The following SBF2 variants were observed in gnomAD, a reference collection of about 807,000 sequenced individuals.
The protein encoded by SBF2 is myotubularin-related protein 13.
Under a neutral mutation model 225.2 loss-of-function variants are expected in SBF2, and 112 were observed. That is an observed-to-expected ratio of 0.50 (90% CI 0.43 to 0.58). The LOEUF is 0.58. Ranked by LOEUF, SBF2 falls within the 20% of genes least tolerant of loss-of-function variation. SBF2 has a pLI of 0.00. For synonymous variants in SBF2, 763 were observed against 773.3 expected, an observed-to-expected ratio of 0.99 and a Z score of 0.22; for missense variants, 1,996 against 2,206.2, an observed-to-expected ratio of 0.90 and a Z score of 1.91.
rs548529753 is a variant in SBF2 at position 9,897,758 on chromosome 11, A to T, written c.1861-1747T>A. The stretch of plus-strand genomic sequence containing the variant: ...TAAACTCATAGAGCTGGGACCTTAG[A>T]CATCAATTATTCCAGTGCAATTCCT... On this transcript the variant is annotated intron_variant, in intron 16 of 39. Transcript: ENST00000256190. Among the ~76,000 whole-genome samples the T allele has an allele frequency of 6.0e-4, 92 of 152,324 alleles. No individual in the cohort carries two copies. The South Asian group carries it at 0.012, about 20-fold the overall frequency.
intron 18 of SBF2, among the ~76,000 whole-genome samples, chr11:9,857,708 C>T (rs561916610): frequency 2.0e-5 from 3 of 152,208 alleles, no homozygotes; most frequent in Admixed American, 6.5e-5. Context: ...ACTACTCTTT[C>T]AAATTAAAAA....
intron 1 of SBF2, among the ~76,000 whole-genome samples, chr11:10,238,005 A>G (rs186641601): frequency 1.6e-4 from 25 of 152,328 alleles, no homozygotes; most frequent in Non-Finnish European, 3.1e-4. Flanking sequence ...ACATCCTTAT[A>G]TAAGTCTATG....
chr11:9,899,338 T>TA (rs35977537), intron 16 of SBF2, among the ~76,000 whole-genome samples: 67,554 of 138,158 alleles, frequency 0.49, 16,167 homozygotes, highest in African/African-American at 0.52. Context: ...TACAAAAAAT[T>TA]AAAAAAAAAA....
At chr11:10,042,409 A>C (rs894526462) in intron 3 of SBF2, among the ~76,000 whole-genome samples, 1 of 152,222 alleles carries the variant, frequency 6.6e-6, no homozygotes, top group Non-Finnish European at 1.5e-5. Context: ...GATCATGTTG[A>C]TAATACCACC....
chr11:9,878,045 C>T (rs1003555466), intron 17 of SBF2, among the ~76,000 whole-genome samples: 16 of 152,154 alleles, frequency 1.1e-4, no homozygotes, highest in African/African-American at 2.7e-4. Context: ...TCTCCACATC[C>T]GCTCCAGCAT....
intron 1 of SBF2, among the ~76,000 whole-genome samples, chr11:10,293,523 C>T (rs1479842578): frequency 6.6e-6 from 1 of 152,200 alleles, no homozygotes; most frequent in Admixed American, 6.5e-5. Flanking sequence ...GGTCACTAGG[C>T]CCCCAACAGC....
At chr11:10,054,692 G>A (rs1309287908) in intron 2 of SBF2, among the ~76,000 whole-genome samples, 1 of 151,972 alleles carries the variant, frequency 6.6e-6, no homozygotes, top group Admixed American at 6.6e-5. Context: ...AAATCTATAA[G>A]AAACTTAAAT....
intron 21 of SBF2, 145 bp from the exon 22 acceptor site, chr11:9,850,363 C>G (rs1363032076): frequency 1.3e-6 from 1 of 769,462 alleles, no homozygotes. Flanking sequence ...TCAAAAGATC[C>G]TCTGACCTCA....
intron 1 of SBF2, among the ~76,000 whole-genome samples, chr11:10,231,098 G>A (rs965985773): frequency 9.9e-5 from 15 of 151,912 alleles, no homozygotes; most frequent in African/African-American, 3.1e-4. Context: ...CCAGTTGATC[G>A]AATCGGCTAC....
At chr11:9,953,492 T>C (rs1865980337) in intron 16 of SBF2, among the ~76,000 whole-genome samples, 1 of 152,148 alleles carries the variant, frequency 6.6e-6, no homozygotes, top group Admixed American at 6.6e-5. Flanking sequence ...GATGGAATAC[T>C]ACTCAGCCAT....
At chr11:10,292,817 T>C (rs899418233) in intron 1 of SBF2, among the ~76,000 whole-genome samples, 1 of 152,136 alleles carries the variant, frequency 6.6e-6, no homozygotes, top group African/African-American at 2.4e-5. Context: ...GCCAAATTAC[T>C]AGGAAATAAA....
intron 2 of SBF2, among the ~76,000 whole-genome samples, chr11:10,063,485 G>A (rs918586206): frequency 2.0e-5 from 3 of 151,422 alleles, no homozygotes; most frequent in Non-Finnish European, 2.9e-5. Flanking sequence ...AGCCTCCCGA[G>A]TAGCTGGGAC....
At chr11:9,921,725 T>C (rs1180666081) in intron 16 of SBF2, among the ~76,000 whole-genome samples, 1 of 152,230 alleles carries the variant, frequency 6.6e-6, no homozygotes, top group Non-Finnish European at 1.5e-5. Context: ...CTTATGTCTT[T>C]ATTTCTTCAC....
At chr11:10,176,767 A>G (rs12273935) in intron 2 of SBF2, among the ~76,000 whole-genome samples, 14,484 of 152,154 alleles carry the variant, frequency 0.095, 942 homozygotes, top group East Asian at 0.28. Context: ...GAGGTACAAG[A>G]AGGAACTGGT....
intron 14 of SBF2, among the ~76,000 whole-genome samples, chr11:9,965,699 T>C (rs957509274): frequency 6.6e-6 from 1 of 152,220 alleles, no homozygotes; most frequent in Admixed American, 6.5e-5. Flanking sequence ...TCTTTCATAA[T>C]TATGCTTTAT....
chr11:10,023,434 G>A (rs1338407967), intron 6 of SBF2, among the ~76,000 whole-genome samples: 2 of 152,092 alleles, frequency 1.3e-5, no homozygotes, highest in Non-Finnish European at 2.9e-5. Context: ...GTGGTTTTTA[G>A]TGTAGTCACG....
At chr11:9,819,078 A>T (rs1854610329) in intron 28 of SBF2, among the ~76,000 whole-genome samples, 1 of 152,172 alleles carries the variant, frequency 6.6e-6, no homozygotes, top group Non-Finnish European at 1.5e-5. Context: ...GCAATTATTA[A>T]TTTTTTTGTA....
intron 2 of SBF2, among the ~76,000 whole-genome samples, chr11:10,064,359 T>C (rs1368089885): frequency 6.6e-6 from 1 of 152,096 alleles, no homozygotes; most frequent in Non-Finnish European, 1.5e-5. Context: ...CAGTGAGTTG[T>C]AACTAATAAG....
chr11:9,852,680 T>G lies in SBF2; in HGVS notation c.2606A>C (p.Gln869Pro), dbSNP rs1936357932. The G allele has an allele frequency of 6.2e-7, 1 of 1,610,738 alleles. No homozygotes were observed. Among genetic ancestry groups the G allele is most frequent in the South Asian group, 1.1e-5 (1 of 91,018 alleles). The change falls in exon 21 of 40, where the codon CAG becomes CCG. Residue 869 changes from glutamine to proline, a missense_variant. Gln to Pro is a moderately conservative substitution (Grantham distance 76, BLOSUM62 -1). Coordinates refer to ENST00000256190, the MANE Select transcript of SBF2 (RefSeq NM_030962.4). ...HRESRRLPPI[Q>P]KPKILRPALL... is the part of the protein sequence containing the mutation. ...AAGCATGTAGTCTGGAATTACCTTC[T>G]GAATAGGCGGAAGTCTTCTGCTTTC...
Sources: gnomAD v4.1 joint callset for allele counts (sites outside exome capture counted in the v4.1 genomes callset) on GRCh38, gnomAD v4.1.1 for gene constraint, MANE v1.5 for transcripts, NCBI Gene and HGNC (gene_info 2026-07-23, HGNC 2026-07-21) for gene names.